Variants in KCNH7 observed in about 807,000 individuals in gnomAD.
The protein encoded by KCNH7 is voltage-gated inwardly rectifying potassium channel KCNH7.
KCNH7 carries 49 observed loss-of-function variants against 120.8 expected under a neutral mutation model. The observed-to-expected ratio is 0.41, with a 90% CI of 0.32 to 0.51. KCNH7 has a LOEUF of 0.51. KCNH7 is among the 20% of genes least tolerant of loss of function. The pLI is 0.38. For missense variants in KCNH7, 1,097 were observed against 1,446.6 expected (o/e 0.76, Z 3.92); for synonymous variants, 547 against 516.1 (o/e 1.06, Z -0.81).
chr2:162,826,866 G>A (rs1243421502), intron 2 of KCNH7, among the ~76,000 whole-genome samples: 1 of 152,064 alleles, frequency 6.6e-6, no homozygotes, highest in Non-Finnish European at 1.5e-5. Flanking sequence ...TAGAGAAAAG[G>A]AAAACACATG....
chr2:162,779,551 T>TTCCTA (rs1219486725), intron 2 of KCNH7, among the ~76,000 whole-genome samples: 1 of 152,186 alleles, frequency 6.6e-6, no homozygotes, highest in Non-Finnish European at 1.5e-5. Flanking sequence ...ATTATACTCT[T>TTCCTA]TCCTATCCTG....
At chr2:162,655,250 TAC>T (rs149666231) in intron 2 of KCNH7, among the ~76,000 whole-genome samples, 2,867 of 152,308 alleles carry the variant, frequency 0.019, 104 homozygotes, top group African/African-American at 0.064. Flanking sequence ...TATAATTTTA[TAC>T]ACACATGCAT....
Position 162,573,726 on chromosome 2 carries a change from C to T in KCNH7, c.308-36646G>A, listed in dbSNP as rs145502318. Among the ~76,000 whole-genome samples, 913 of 152,026 alleles carry T rather than the reference C, an allele frequency of 6.0e-3. 11 individuals carry two copies. Among genetic ancestry groups the T allele is most frequent in the African/African-American group, 0.021 (872 of 41,482 alleles). ...TTTAACAAAATTATTCTAGGTACTG[C>T]TTTGGAAAATTTATCCAACATGTTG... On this transcript the variant is annotated intron_variant, in intron 2 of 15. Transcript: ENST00000332142.
intron 2 of KCNH7, among the ~76,000 whole-genome samples, chr2:162,598,023 C>G (rs1694434991): frequency 6.6e-6 from 1 of 152,032 alleles, no homozygotes; most frequent in Non-Finnish European, 1.5e-5. Context: ...TGGCCAATCT[C>G]TTGTCATTTT....
At position 162,373,674 on chromosome 2, in the gene KCNH7, A is replaced by ATC. The variant is rs1436377799; in HGVS notation, c.3132-13_3132-12insGA. The ATC allele has an allele frequency of 6.9e-6, 10 of 1,447,044 alleles. No individual in the cohort carries two copies. The African/African-American group carries it at 1.3e-4, about 19-fold the overall frequency. The allele number at this position is 1,447,044 out of a possible 1,614,324, so 89.6% of individuals were successfully genotyped here. A position where few individuals can be genotyped will look rare whatever the true frequency, so the allele number is the denominator to read the frequency against. On this transcript the variant is annotated splice_polypyrimidine_tract_variant and intron_variant, in intron 14 of 15. Coordinates refer to ENST00000332142, the MANE Select transcript of KCNH7 (RefSeq NM_033272.4). ...TTTGGGATTCAAGCCTACAGAACAG[A>ATC]CAGAAGTAGGAAAAGACAGTCTAAA... is the stretch of plus-strand genomic sequence containing the variant.
chr2:162,799,996 A>C (rs1423587633), intron 2 of KCNH7, among the ~76,000 whole-genome samples: 1 of 151,648 alleles, frequency 6.6e-6, no homozygotes, highest in Non-Finnish European at 1.5e-5. Context: ...AATTGGGTGC[A>C]CCAATTCAAA....
chr2:162,468,943 C>T (rs1309003229), intron 6 of KCNH7, among the ~76,000 whole-genome samples: 1 of 151,904 alleles, frequency 6.6e-6, no homozygotes, highest in Non-Finnish European at 1.5e-5. Context: ...CTCGAACTTC[C>T]AGGCCCAGGT....
At chr2:162,752,358 A>G (rs1231934780) in intron 2 of KCNH7, among the ~76,000 whole-genome samples, 1 of 152,154 alleles carries the variant, frequency 6.6e-6, no homozygotes, top group Non-Finnish European at 1.5e-5. Flanking sequence ...CCAAACTGTT[A>G]TTGATACATG....
At chr2:162,515,252 T>C (rs1423847039) in intron 4 of KCNH7, among the ~76,000 whole-genome samples, 2 of 151,724 alleles carry the variant, frequency 1.3e-5, no homozygotes, top group African/African-American at 2.4e-5. Flanking sequence ...TCGAGGATGA[T>C]CTTAGCACCA....
At chr2:162,638,243 T>C (rs1684030591) in intron 2 of KCNH7, among the ~76,000 whole-genome samples, 1 of 152,054 alleles carries the variant, frequency 6.6e-6, no homozygotes, top group Non-Finnish European at 1.5e-5. Flanking sequence ...TGGAGGCACA[T>C]AAAATTAGAT....
At chr2:162,462,239 T>C (rs1689167756) in intron 6 of KCNH7, among the ~76,000 whole-genome samples, 1 of 152,046 alleles carries the variant, frequency 6.6e-6, no homozygotes, top group Non-Finnish European at 1.5e-5. Context: ...GAAAAATAAA[T>C]GTGTGTGTAT....
In KCNH7 at chr2:162,384,953, T is replaced by C. The variant is rs1192921593; in HGVS notation, c.2711-14A>G. The C allele has an allele frequency of 6.9e-6, 11 of 1,587,172 alleles. No homozygotes were observed. The highest frequency in any genetic ancestry group is 1.4e-5 in the African/African-American group (1 of 73,520). On this transcript the variant is annotated splice_polypyrimidine_tract_variant and intron_variant, in intron 12 of 15. Coordinates refer to ENST00000332142, the MANE Select transcript of KCNH7 (RefSeq NM_033272.4). ...TTGTACTGTTTTCTTTGCCAAAATA[T>C]ATCAAAGAAAAGTTATTTTATAGCA...
intron 2 of KCNH7, among the ~76,000 whole-genome samples, chr2:162,812,399 A>C (rs936388957): frequency 6.6e-6 from 1 of 152,102 alleles, no homozygotes; most frequent in Non-Finnish European, 1.5e-5. Flanking sequence ...AGTGATGAGG[A>C]TCTAGATCAA....
intron 5 of KCNH7, among the ~76,000 whole-genome samples, chr2:162,507,565 T>C (rs1690922972): frequency 6.6e-6 from 1 of 151,554 alleles, no homozygotes; most frequent in South Asian, 2.1e-4. Flanking sequence ...CAATTTCTCA[T>C]TACATAACAA....
intron 6 of KCNH7, among the ~76,000 whole-genome samples, chr2:162,467,070 T>C (rs1303071138): frequency 6.6e-6 from 1 of 152,162 alleles, no homozygotes; most frequent in African/African-American, 2.4e-5. Flanking sequence ...GGCTTTGTTC[T>C]GGGAATTCAC....
intron 3 of KCNH7, among the ~76,000 whole-genome samples, chr2:162,526,843 A>G (rs1045917604): frequency 8.5e-5 from 13 of 152,088 alleles, no homozygotes; most frequent in Non-Finnish European, 1.6e-4. Context: ...AAGTAAAGAC[A>G]GGCATAGGAA....
intron 5 of KCNH7, among the ~76,000 whole-genome samples, chr2:162,511,252 A>G (rs1042936375): frequency 2.0e-5 from 3 of 151,704 alleles, no homozygotes; most frequent in Admixed American, 2.0e-4. Flanking sequence ...AACAAGTCCA[A>G]TTTTCTATTT....
chr2:162,792,751 A>G (rs1574398566), intron 2 of KCNH7, among the ~76,000 whole-genome samples: 3 of 113,976 alleles, frequency 2.6e-5, no homozygotes, highest in African/African-American at 3.3e-5. Flanking sequence ...GGATTTGTTG[A>G]TCTTTTGAAT....
chr2:162,471,808 G>A (rs1014213727), intron 6 of KCNH7, among the ~76,000 whole-genome samples: 6 of 152,128 alleles, frequency 3.9e-5, no homozygotes, highest in African/African-American at 1.4e-4. Flanking sequence ...GAACAAAACT[G>A]GAGGCATCAT....
Sources: gnomAD v4.1 joint callset for allele counts (sites outside exome capture counted in the v4.1 genomes callset) on GRCh38, gnomAD v4.1.1 for gene constraint, MANE v1.5 for transcripts, NCBI Gene and HGNC (gene_info 2026-07-23, HGNC 2026-07-21) for gene names.